KSR2: variants seen among roughly 807,000 people sequenced by gnomAD.
KSR2 encodes kinase suppressor of ras 2.
In KSR2, 25 loss-of-function variants were observed where a neutral mutation model predicts 107.8. The ratio of observed to expected loss-of-function variants is 0.23; its 90% confidence interval spans 0.17 to 0.32. The LOEUF (loss-of-function observed/expected upper bound fraction) is 0.32, where lower values mean the gene tolerates loss of function less well. Ranked by LOEUF, KSR2 falls within the 10% of genes least tolerant of loss-of-function variation. The pLI is 1.00. For synonymous variants in KSR2, 480 were observed against 507.0 expected (o/e 0.95, Z 0.71); for missense variants, 887 against 1,268.9 (o/e 0.70, Z 4.57).
In KSR2 at chr12:117,607,620, G is replaced by A. The variant is rs149357139; in HGVS notation, c.1172-25261C>T. Among the ~76,000 whole-genome samples, 923 of 140,514 alleles carry A rather than the reference G, an allele frequency of 6.6e-3. 4 individuals carry two copies. Among genetic ancestry groups the A allele is most frequent in the Admixed American group, 0.01 (145 of 13,848 alleles). 92.2% of individuals were successfully genotyped at this position (140,514 alleles called of 152,430 possible). A position where few individuals can be genotyped will look rare whatever the true frequency, so the allele number is the denominator to read the frequency against. ...ATCTGAGCTCATGCTCCACCACCCC[G>A]CCTGCATCCACAGACCTCCCGGAGA... On this transcript the variant is annotated intron_variant, in intron 5 of 19. Transcript: ENST00000339824.
chr12:117,568,329 C>A (rs113799796), intron 7 of KSR2, among the ~76,000 whole-genome samples: 2,060 of 152,178 alleles, frequency 0.014, 42 homozygotes, highest in African/African-American at 0.046. Context: ...ATGTGGCAGG[C>A]TGGGGGAGGG....
At position 117,816,586 on chromosome 12, in the gene KSR2, A is replaced by G. The variant is rs117280392; in HGVS notation, c.472+38842T>C. ...AAGGCCATGATGGCTGAGGGCACAG[A>G]CCCTGGACCCTAGCAGGTACAAATC... On this transcript the variant is annotated intron_variant, in intron 3 of 19. Transcript: ENST00000339824. 1.5e-3 allele frequency among the ~76,000 whole-genome samples: 232 copies of G among 152,110 alleles called. 2 individuals carry two copies. In the South Asian group the frequency reaches 0.025, roughly 16 times the overall value.
rs551406917 is a variant in KSR2 at position 117,529,238 on chromosome 12, A to G, written c.1802+1703T>C. 8.5e-5 allele frequency among the ~76,000 whole-genome samples: 13 copies of G among 152,276 alleles called. No individual in the cohort carries two copies. In the South Asian group the frequency reaches 2.7e-3, roughly 32 times the overall value. ...GTGACATCACTTTTTTCTTCTTTAG[A>G]CAGAGTCTCCCTCTGTTGCCCAGGC... is the stretch of plus-strand genomic sequence containing the variant. On this transcript the variant is annotated intron_variant, in intron 12 of 19. Coordinates refer to ENST00000339824, the MANE Select transcript of KSR2 (RefSeq NM_173598.6).
At chr12:117,767,177 G>A (rs1889264262) in intron 3 of KSR2, among the ~76,000 whole-genome samples, 1 of 151,508 alleles carries the variant, frequency 6.6e-6, no homozygotes. Flanking sequence ...ACTTTGGGAG[G>A]CCGAGATGGG....
intron 1 of KSR2, among the ~76,000 whole-genome samples, chr12:117,927,387 AC>A (rs201127973): frequency 8.1e-6 from 1 of 123,684 alleles, no homozygotes; most frequent in East Asian, 2.6e-4. Flanking sequence ...AAAAATAACA[AC>A]AAAAAAAAAA....
At chr12:117,675,775 T>C (rs901081410) in intron 4 of KSR2, among the ~76,000 whole-genome samples, 6 of 152,192 alleles carry the variant, frequency 3.9e-5, no homozygotes, top group Non-Finnish European at 8.8e-5. Flanking sequence ...TCATTAACTG[T>C]GTCTGGAGCA....
chr12:117,471,028 G>A (rs1871421278), intron 18 of KSR2, among the ~76,000 whole-genome samples, 163 bp downstream of exon 18: 1 of 152,172 alleles, frequency 6.6e-6, no homozygotes, highest in Non-Finnish European at 1.5e-5. Context: ...CAGCAGCCTT[G>A]CCTTTTAAGC....
At chr12:117,551,831 A>G (rs1877333712) in intron 9 of KSR2, among the ~76,000 whole-genome samples, 1 of 152,134 alleles carries the variant, frequency 6.6e-6, no homozygotes, top group African/African-American at 2.4e-5. Flanking sequence ...ATAGAGGTTA[A>G]TTTATTTCCC....
chr12:117,577,889 T>C (rs781608715), intron 7 of KSR2, among the ~76,000 whole-genome samples: 13 of 152,138 alleles, frequency 8.5e-5, no homozygotes, highest in Non-Finnish European at 1.8e-4. Context: ...TTCACACAGA[T>C]GAAAATACTA....
chr12:117,751,646 T>C (rs898825390), intron 4 of KSR2, among the ~76,000 whole-genome samples: 2 of 152,156 alleles, frequency 1.3e-5, no homozygotes, highest in African/African-American at 4.8e-5. Flanking sequence ...CTGGCAGCCA[T>C]GAAGATAGAG....
intron 3 of KSR2, among the ~76,000 whole-genome samples, chr12:117,845,211 G>A (rs534982401): frequency 6.6e-6 from 1 of 152,266 alleles, no homozygotes; most frequent in East Asian, 1.9e-4. Flanking sequence ...CCTTTTGCTC[G>A]ATAACAATGA....
chr12:117,928,679 T>C (rs949147700), intron 1 of KSR2, among the ~76,000 whole-genome samples: 2 of 152,218 alleles, frequency 1.3e-5, no homozygotes, highest in East Asian at 3.8e-4. Context: ...TTGGGGTATA[T>C]ACCCAGAAGC....
chr12:117,590,948 T>C (rs1353841539), intron 5 of KSR2, among the ~76,000 whole-genome samples: 1 of 152,204 alleles, frequency 6.6e-6, no homozygotes, highest in Non-Finnish European at 1.5e-5. Context: ...ACTTACATGG[T>C]AGGAATCCTT....
intron 3 of KSR2, among the ~76,000 whole-genome samples, chr12:117,792,693 G>A (rs539961719): frequency 2.0e-5 from 3 of 152,294 alleles, no homozygotes; most frequent in African/African-American, 7.2e-5. Flanking sequence ...TCCCTGTCTT[G>A]ACTGCTGGTT....
chr12:117,642,308 G>A (rs1472084434), intron 5 of KSR2, among the ~76,000 whole-genome samples: 1 of 152,134 alleles, frequency 6.6e-6, no homozygotes, highest in Non-Finnish European at 1.5e-5. Context: ...CATCACAGCG[G>A]GTGAGCACTC....
intron 4 of KSR2, among the ~76,000 whole-genome samples, chr12:117,739,582 A>G (rs905232558): frequency 1.2e-4 from 19 of 152,290 alleles, no homozygotes; most frequent in Middle Eastern, 6.8e-3. Flanking sequence ...CAGCATCATA[A>G]ATGCATTATC....
chr12:117,960,703 G>C (rs1272276154), intron 1 of KSR2, among the ~76,000 whole-genome samples: 1 of 152,118 alleles, frequency 6.6e-6, no homozygotes, highest in Non-Finnish European at 1.5e-5. Flanking sequence ...ACTAAGTTTT[G>C]AGGTAGGTTG....
intron 5 of KSR2, among the ~76,000 whole-genome samples, chr12:117,610,782 C>G (rs1161310935): frequency 6.6e-6 from 1 of 151,396 alleles, no homozygotes; most frequent in South Asian, 2.1e-4. Context: ...AATAAAACCC[C>G]CACACGCAGT....
At chr12:117,575,574 A>G (rs1179947285) in intron 7 of KSR2, among the ~76,000 whole-genome samples, 1 of 152,214 alleles carries the variant, frequency 6.6e-6, no homozygotes, top group Non-Finnish European at 1.5e-5. Context: ...TAATGCAAAA[A>G]CTGCAGGAAT....
Sources: gnomAD v4.1 joint callset for allele counts (sites outside exome capture counted in the v4.1 genomes callset) on GRCh38, gnomAD v4.1.1 for gene constraint, MANE v1.5 for transcripts, NCBI Gene and HGNC (gene_info 2026-07-23, HGNC 2026-07-21) for gene names.